The following PDE2A variants were observed in gnomAD, a reference collection of about 807,000 sequenced individuals.
PDE2A encodes the protein phosphodiesterase 2A, also known as cGMP-dependent 3',5'-cyclic phosphodiesterase.
Under a neutral mutation model 133.6 loss-of-function variants are expected in PDE2A, and 53 were observed. That is an observed-to-expected ratio of 0.40 (90% confidence interval 0.32 to 0.50). The LOEUF (loss-of-function observed/expected upper bound fraction) is 0.50, where lower values mean the gene tolerates loss of function less well. PDE2A is among the 20% of genes least tolerant of loss of function. The pLI is 0.73. For synonymous variants in PDE2A, 491 were observed against 490.2 expected (o/e 1.00, Z -0.02); for missense variants, 796 against 1,232.4 (o/e 0.65, Z 5.30).
intron 20 of PDE2A, 78 bp from the exon 21 acceptor site, chr11:72,582,644 G>C: frequency 7.0e-7 from 1 of 1,428,248 alleles, no homozygotes; most frequent in Non-Finnish European, 9.6e-7. Flanking sequence ...CCCATGGCAG[G>C]TGGGGGATCC....
At chr11:72,638,766 A>G (rs1387099548) in intron 2 of PDE2A, among the ~76,000 whole-genome samples, 1 of 152,256 alleles carries the variant, frequency 6.6e-6, no homozygotes, top group Non-Finnish European at 1.5e-5. Flanking sequence ...GACAATGTCA[A>G]CGACAATGAA....
intron 6 of PDE2A, among the ~76,000 whole-genome samples, chr11:72,596,206 C>T (rs1363066340): frequency 6.6e-6 from 1 of 152,122 alleles, no homozygotes; most frequent in Admixed American, 6.6e-5. Flanking sequence ...GACATTATCC[C>T]CACCCCATCT....
chr11:72,637,826 G>C (rs557179483), intron 2 of PDE2A, among the ~76,000 whole-genome samples: 6 of 152,348 alleles, frequency 3.9e-5, no homozygotes, highest in African/African-American at 7.2e-5. Flanking sequence ...TGGAGAAAGT[G>C]GTGAGGGACA....
chr11:72,644,568 A>G (rs1406077095), intron 1 of PDE2A, among the ~76,000 whole-genome samples: 3 of 152,102 alleles, frequency 2.0e-5, no homozygotes, highest in Non-Finnish European at 4.4e-5. Context: ...CCCGGGAGGT[A>G]TCTGTTACAG....
At position 72,581,872 on chromosome 11, in the gene PDE2A, C is replaced by T. The variant is rs1855739332; in HGVS notation, c.1922+5G>A. On this transcript the variant is annotated splice_donor_5th_base_variant and intron_variant, in intron 22 of 30. Coordinates refer to ENST00000334456, the MANE Select transcript of PDE2A (RefSeq NM_002599.5). Reference sequence around the variant, plus strand: ...AAGACTGGGGCTGTCTGTGGGCGCACGAACCGGGCCAGGGTCGGGCAGTCA... The same window carrying T: ...AAGACTGGGGCTGTCTGTGGGCGCATGAACCGGGCCAGGGTCGGGCAGTCA... The T allele has an allele frequency of 1.2e-6, 2 of 1,613,484 alleles. No homozygotes were observed. Among genetic ancestry groups the T allele is most frequent in the Non-Finnish European group, 1.7e-6 (2 of 1,179,580 alleles).
chr11:72,627,236 C>A (rs1055203839), intron 2 of PDE2A, among the ~76,000 whole-genome samples: 1 of 152,252 alleles, frequency 6.6e-6, no homozygotes, highest in African/African-American at 2.4e-5. Flanking sequence ...ACAAAGGAGA[C>A]TCAGTCTCAG....
chr11:72,650,028 T>C (rs1854683024), intron 1 of PDE2A, among the ~76,000 whole-genome samples: 1 of 151,384 alleles, frequency 6.6e-6, no homozygotes, highest in Non-Finnish European at 1.5e-5. Context: ...ACTTTTTTTT[T>C]TTTTTTTTTT....
intron 25 of PDE2A, chr11:72,579,933 C>T: frequency 3.1e-6 from 1 of 322,474 alleles, no homozygotes; most frequent in Non-Finnish European, 5.7e-6. Flanking sequence ...TCATGCAGAA[C>T]ACATTTGTTT....
intron 1 of PDE2A, among the ~76,000 whole-genome samples, chr11:72,664,934 G>C (rs1256604543): frequency 2.0e-5 from 3 of 151,924 alleles, no homozygotes; most frequent in Non-Finnish European, 4.4e-5. Flanking sequence ...AGCCCCCCGA[G>C]TAGCTGGGAT....
rs183295266 is a variant in PDE2A, at chr11:72,603,227, C to T, written c.323+1911G>A. Among the ~76,000 whole-genome samples, 7 of 152,304 alleles carry T rather than the reference C, an allele frequency of 4.6e-5. No homozygotes were observed. In the East Asian group the frequency reaches 1.2e-3, roughly 25 times the overall value. On this transcript the variant is annotated intron_variant, in intron 4 of 30. Coordinates refer to ENST00000334456, the MANE Select transcript of PDE2A (RefSeq NM_002599.5). Reference sequence around the variant, plus strand: ...TTCAGCCCCTGTCTACCAGCAGGCACTCACCTCCCCATCTCCACTGAGCTC... The same window carrying T: ...TTCAGCCCCTGTCTACCAGCAGGCATTCACCTCCCCATCTCCACTGAGCTC...
At chr11:72,662,619 T>G (rs1855100177) in intron 1 of PDE2A, among the ~76,000 whole-genome samples, 1 of 152,044 alleles carries the variant, frequency 6.6e-6, no homozygotes, top group South Asian at 2.1e-4. Flanking sequence ...GGGAGGGATG[T>G]CCCTAGAGGA....
At chr11:72,635,949 C>G (rs1287188175) in intron 2 of PDE2A, 7 of 1,187,290 alleles carry the variant, frequency 5.9e-6, no homozygotes, top group South Asian at 2.9e-5. Context: ...CCCGCTCCCC[C>G]TCCACACCAC....
At chr11:72,588,760 C>A (rs1856095142) in intron 13 of PDE2A, 24 bp downstream of exon 13, 1 of 1,575,176 alleles carries the variant, frequency 6.3e-7, no homozygotes, top group Non-Finnish European at 8.7e-7. Context: ...ATCTCCTGAT[C>A]TGCATCATCC....
intron 2 of PDE2A, among the ~76,000 whole-genome samples, chr11:72,634,721 C>T (rs997681486): frequency 2.6e-5 from 4 of 152,226 alleles, no homozygotes; most frequent in African/African-American, 9.7e-5. Context: ...TGGACTGTGG[C>T]CTTGCACACA....
intron 1 of PDE2A, among the ~76,000 whole-genome samples, chr11:72,645,151 G>A (rs1232353801): frequency 6.6e-6 from 1 of 152,196 alleles, no homozygotes; most frequent in Non-Finnish European, 1.5e-5. Flanking sequence ...AGCTCAAAGA[G>A]TCTTTCTGTG....
chr11:72,596,629 C>G lies in PDE2A; in HGVS notation c.453G>C (p.Ala151=). 1 of 1,515,388 alleles carries G rather than the reference C, an allele frequency of 6.6e-7. No homozygotes were observed. The allele number at this position is 1,515,388 out of a possible 1,614,324, so 93.9% of individuals were successfully genotyped here. ...CTGCCACGGCCCCAGCCTCCTTGTC[C>G]GCTAGCGGCATGACCAGCACTGAGG... is the stretch of plus-strand genomic sequence containing the variant. ...PDTQVLVMPL[A]DKEAGAVAAV... is the part of the protein sequence containing the mutation. Residue 151 remains alanine, a synonymous_variant, in exon 6 of 31, where the codon GCG becomes GCC. Transcript: ENST00000334456.
intron 20 of PDE2A, 72 bp from the exon 21 acceptor site, chr11:72,582,638 T>C (rs1306251762): frequency 9.9e-5 from 144 of 1,461,788 alleles, no homozygotes; most frequent in Non-Finnish European, 1.3e-4. Flanking sequence ...CAAATTCCCA[T>C]GGCAGGTGGG....
At chr11:72,669,032 C>G (rs1855322457) in intron 1 of PDE2A, 1 of 908,220 alleles carries the variant, frequency 1.1e-6, no homozygotes, top group Non-Finnish European at 1.3e-6. Flanking sequence ...CTGCCGCATG[C>G]CAGGGGCTAA....
intron 2 of PDE2A, among the ~76,000 whole-genome samples, chr11:72,631,541 C>T (rs1591103319): frequency 6.6e-6 from 1 of 152,296 alleles, no homozygotes; most frequent in African/African-American, 2.4e-5. Context: ...AGTCACTGGG[C>T]CTCCACAGTG....
Sources: gnomAD v4.1 joint callset for allele counts (sites outside exome capture counted in the v4.1 genomes callset) on GRCh38, gnomAD v4.1.1 for gene constraint, MANE v1.5 for transcripts, NCBI Gene and HGNC (gene_info 2026-07-23, HGNC 2026-07-21) for gene names.